Variants in TMEM120B observed in about 807,000 individuals in gnomAD.
The protein encoded by TMEM120B is transmembrane protein 120B.
Under a neutral mutation model 55.5 loss-of-function variants are expected in TMEM120B, and 31 were observed. The ratio of observed to expected loss-of-function variants is 0.56; its 90% CI spans 0.42 to 0.75. TMEM120B has a LOEUF of 0.75. Among genes scored for constraint, TMEM120B ranks in the 30% least tolerant of loss-of-function variants. The probability of loss-of-function intolerance (pLI) is 0.00; values close to 1 mark genes in which losing one functional copy is unlikely to be tolerated. For missense variants in TMEM120B, 399 were observed against 425.5 expected (o/e 0.94, Z 0.55); for synonymous variants, 203 against 176.3 (o/e 1.15, Z -1.20).
At position 121,712,981 on chromosome 12, in the gene TMEM120B, T is replaced by C; in HGVS notation, c.69+17T>C. On this transcript the variant is annotated intron_variant, in intron 1 of 11. Transcript: ENST00000449592. ...GAACTGCAGGTAGGGCCAGGCCACCTGGTCCCGCAACTCTGCTGCCCGCGG... is the reference window on the plus strand; with the variant it reads ...GAACTGCAGGTAGGGCCAGGCCACCCGGTCCCGCAACTCTGCTGCCCGCGG... 6.5e-7 allele frequency: 1 copy of C among 1,528,314 alleles called. No individual in the cohort carries two copies. Among genetic ancestry groups the C allele is most frequent in the South Asian group, 1.3e-5 (1 of 79,682 alleles). 94.7% of individuals were successfully genotyped at this position (1,528,314 alleles called of 1,614,324 possible). A position where few individuals can be genotyped will look rare whatever the true frequency, so the allele number is the denominator to read the frequency against.
chr12:121,781,161 CAG>C lies in TMEM120B; in HGVS notation c.*5440_*5441del, dbSNP rs777366558. The C allele has an allele frequency of 2.8e-5, 45 of 1,614,224 alleles. No individual in the cohort carries two copies. The highest frequency in any genetic ancestry group is 1.6e-4 in the Middle Eastern group (1 of 6,062). The stretch of plus-strand genomic sequence containing the variant: ...GCACGAGGTGGGTGTTCTGGTAGGA[CAG>C]GGGCCGCAGCCGGTCATAGTCTTCT... On this transcript the variant is annotated 3_prime_UTR_variant, in exon 12 of 12. Coordinates refer to ENST00000449592, the MANE Select transcript of TMEM120B (RefSeq NM_001080825.2).
chr12:121,715,850 C>T (rs1002165205), intron 1 of TMEM120B, among the ~76,000 whole-genome samples: 1 of 151,872 alleles, frequency 6.6e-6, no homozygotes, highest in African/African-American at 2.4e-5. Context: ...ATTTAGTTCT[C>T]TAAATATTGG....
At position 121,775,051 on chromosome 12, in the gene TMEM120B, T is replaced by A. The variant is rs1289500379; in HGVS notation, c.838-11T>A. On this transcript the variant is annotated splice_polypyrimidine_tract_variant and intron_variant, in intron 10 of 11. Coordinates refer to ENST00000449592, the MANE Select transcript of TMEM120B (RefSeq NM_001080825.2). This position sits in a 1 kb window ranked among gnomAD's most constrained non-coding sequence, Gnocchi z 4.3. ...GTCTGGTGGGTGAGCAGCGCCTGCC[T>A]TCCTCTCCAGTTCTGGCAGCTCTAC... 10 of 1,613,024 alleles carry A rather than the reference T, an allele frequency of 6.2e-6. No individual in the cohort carries two copies. The highest frequency in any genetic ancestry group is 8.5e-6 in the Non-Finnish European group (10 of 1,179,698).
intron 6 of TMEM120B, among the ~76,000 whole-genome samples, chr12:121,762,007 G>A (rs2137293160): frequency 6.6e-6 from 1 of 152,156 alleles, no homozygotes; most frequent in African/African-American, 2.4e-5. Flanking sequence ...AAAAAGAAGT[G>A]AGCGGCATGG....
chr12:121,712,796 C>A lies in TMEM120B; in HGVS notation c.-100C>A, dbSNP rs1452510969. ...GCTGCGCAGGAACAGCTGGTGCCTC[C>A]GAGGGCGGTCGGCGAGCGCGCGGGC... On this transcript the variant is annotated 5_prime_UTR_variant, in exon 1 of 12. Transcript: ENST00000449592. 1.5e-5 allele frequency: 13 copies of A among 862,868 alleles called. No individual in the cohort carries two copies. The highest frequency in any genetic ancestry group is 2.0e-5 in the Non-Finnish European group (13 of 642,322). 53.5% of individuals were successfully genotyped at this position (862,868 alleles called of 1,614,324 possible).
At chr12:121,763,666 C>T (rs1873755994) in intron 6 of TMEM120B, among the ~76,000 whole-genome samples, 1 of 152,298 alleles carries the variant, frequency 6.6e-6, no homozygotes, top group East Asian at 1.9e-4. Flanking sequence ...TGGTCTCAAA[C>T]TCTTGACCTC....
intron 6 of TMEM120B, among the ~76,000 whole-genome samples, chr12:121,767,621 GTGAGTGAATTGTACGGTATC>G (rs1468794019): frequency 2.6e-5 from 4 of 152,230 alleles, no homozygotes; most frequent in Non-Finnish European, 4.4e-5. Flanking sequence ...TGCACTTTCA[GTGAGTGAATTGTACGGTATC>G]TGAATCACAT....
intron 6 of TMEM120B, among the ~76,000 whole-genome samples, chr12:121,764,294 G>GA (rs200439720): frequency 0.082 from 12,476 of 152,162 alleles, 872 homozygotes; most frequent in African/African-American, 0.19. Flanking sequence ...GGCCAAGGCG[G>GA]TGGATCACCT....
At chr12:121,753,942 G>A (rs1040231078) in intron 5 of TMEM120B, among the ~76,000 whole-genome samples, 5 of 152,216 alleles carry the variant, frequency 3.3e-5, no homozygotes, top group African/African-American at 1.2e-4. Context: ...TACCGTCCAA[G>A]TGCAGCACAG....
At position 121,722,527 on chromosome 12, in the gene TMEM120B, T is replaced by G. The variant is rs538588410; in HGVS notation, c.69+9563T>G. Among the ~76,000 whole-genome samples, 368 of 152,306 alleles carry G rather than the reference T, an allele frequency of 2.4e-3. 1 individual carries two copies. Among genetic ancestry groups the G allele is most frequent in the African/African-American group, 8.3e-3 (344 of 41,588 alleles). On this transcript the variant is annotated intron_variant, in intron 1 of 11. Transcript: ENST00000449592. ...CGTCCGTGGGAATGGATCATTACAC[T>G]GAGCACCCAGAGAGAGGTGAAGCAG...
chr12:121,774,985 C>T lies in TMEM120B; in HGVS notation c.838-77C>T. ...TTGATACCCAAAGTTGGGTGAGGGG[C>T]CTGGCCATCACCCTGGCTTTCTACG... On this transcript the variant is annotated intron_variant, in intron 10 of 11. Coordinates refer to ENST00000449592, the MANE Select transcript of TMEM120B (RefSeq NM_001080825.2). 7 of 1,520,068 alleles carry T rather than the reference C, an allele frequency of 4.6e-6. No individual in the cohort carries two copies. The South Asian group carries it at 8.0e-5, about 17-fold the overall frequency. The allele number at this position is 1,520,068 out of a possible 1,614,324, so 94.2% of individuals were successfully genotyped here.
chr12:121,716,254 G>A (rs986914834), intron 1 of TMEM120B, among the ~76,000 whole-genome samples: 5 of 150,872 alleles, frequency 3.3e-5, no homozygotes, highest in Admixed American at 2.0e-4. Context: ...GCTGCAGTGA[G>A]CCATGATTGC....
At chr12:121,763,158 T>C (rs553719779) in intron 6 of TMEM120B, among the ~76,000 whole-genome samples, 25 of 38,518 alleles carry the variant, frequency 6.5e-4, no homozygotes, top group African/African-American at 1.4e-3. Flanking sequence ...TCGGCATGCC[T>C]TTTTTTTTTT....
rs1411140879 is a variant in TMEM120B at position 121,750,372 on chromosome 12, C to A, written c.306-8C>A. ...AGGATCATGCCCCTCACAGGTGTTT[C>A]CTTCCAGGCTCTACTTGAACCTGGT... On this transcript the variant is annotated splice_region_variant and splice_polypyrimidine_tract_variant and intron_variant, in intron 3 of 11. Coordinates refer to ENST00000449592, the MANE Select transcript of TMEM120B (RefSeq NM_001080825.2). 2 of 1,612,360 alleles carry A rather than the reference C, an allele frequency of 1.2e-6. No individual in the cohort carries two copies. The highest frequency in any genetic ancestry group is 2.2e-5 in the East Asian group (1 of 44,884).
intron 1 of TMEM120B, among the ~76,000 whole-genome samples, chr12:121,743,395 CAA>C (rs370948514): frequency 1.4e-5 from 2 of 141,052 alleles, no homozygotes; most frequent in African/African-American, 2.6e-5. Flanking sequence ...CTAAAAATAC[CAA>C]AAAAAAAAAA....
intron 1 of TMEM120B, among the ~76,000 whole-genome samples, chr12:121,741,317 AATT>A (rs989765856): frequency 1.7e-4 from 26 of 152,076 alleles, no homozygotes; most frequent in Non-Finnish European, 7.4e-5. Context: ...GCAAGCTTGA[AATT>A]ATTATTATTA....
At chr12:121,743,768 G>C in intron 2 of TMEM120B, 21 bp downstream of exon 2, 1 of 1,555,804 alleles carries the variant, frequency 6.4e-7, no homozygotes, top group Non-Finnish European at 8.9e-7. Context: ...CTGTAGCCCG[G>C]GGGCTGCCCT....
In TMEM120B at chr12:121,775,620, G is replaced by A; in HGVS notation, c.918G>A (p.Leu306=). Residue 306 remains leucine (L), a synonymous_variant, in exon 12 of 12, where the codon CTG becomes CTA. Transcript: ENST00000449592. This position sits in a 1 kb window ranked among gnomAD's most constrained non-coding sequence, Gnocchi z 4.3. ...CTGGACTCCCCCAGGTGTTCGTACTGGCGTTCACCTTCCTCATCCTCTTCC... is the reference window on the plus strand; with the variant it reads ...CTGGACTCCCCCAGGTGTTCGTACTAGCGTTCACCTTCCTCATCCTCTTCC... ...EECREWQVFV[L]AFTFLILFLG... 1 of 1,613,782 alleles carries A rather than the reference G, an allele frequency of 6.2e-7. No homozygotes were observed. The highest frequency in any genetic ancestry group is 1.1e-5 in the South Asian group (1 of 91,066).
chr12:121,716,645 C>G (rs1198569863), intron 1 of TMEM120B, among the ~76,000 whole-genome samples: 1 of 150,110 alleles, frequency 6.7e-6, no homozygotes, highest in Non-Finnish European at 1.5e-5. Flanking sequence ...TCACTGCAAC[C>G]TTTGCCTCCC....
Sources: gnomAD v4.1 joint callset for allele counts (sites outside exome capture counted in the v4.1 genomes callset) on GRCh38, gnomAD v4.1.1 for gene constraint, Gnocchi (gnomAD v3.1) non-coding constraint, MANE v1.5 for transcripts, NCBI Gene and HGNC (gene_info 2026-07-23, HGNC 2026-07-21) for gene names.